Variants in LDLRAD1 observed in about 807,000 individuals in gnomAD.
LDLRAD1 encodes the protein low-density lipoprotein receptor class A domain-containing protein 1.
In LDLRAD1, 17 loss-of-function variants were observed where a neutral mutation model predicts 24.8. The observed-to-expected ratio is 0.69, with a 90% CI of 0.47 to 1.03. LDLRAD1 has a LOEUF of 1.03. Among genes scored for constraint, LDLRAD1 ranks in the 50% least tolerant of loss-of-function variants. The pLI, the probability that LDLRAD1 is intolerant of heterozygous loss-of-function variation, is 0.00. For synonymous variants in LDLRAD1, 103 were observed against 108.2 expected, an observed-to-expected ratio of 0.95 and a Z score of 0.30; for missense variants, 277 against 271.0, an observed-to-expected ratio of 1.02 and a Z score of -0.16.
Position 54,008,717 on chromosome 1 carries a change from T to G in LDLRAD1, c.*265A>C. On this transcript the variant is annotated 3_prime_UTR_variant, in exon 6 of 6. Transcript: ENST00000371360. ...GGTGTGCACCGCCATGCCTGGCTAA[T>G]TTTTGTATTTTTGGTAGAGACGGGG... is the stretch of plus-strand genomic sequence containing the variant. 4 of 371,056 alleles carry G rather than the reference T, an allele frequency of 1.1e-5. No homozygotes were observed. The highest frequency in any genetic ancestry group is 5.6e-5 in the East Asian group (1 of 17,984). The allele number at this position is 371,056 out of a possible 1,614,324, so 23.0% of individuals were successfully genotyped here. A position where few individuals can be genotyped will look rare whatever the true frequency, so the allele number is the denominator to read the frequency against.
chr1:54,017,295 C>T (rs1247506094), intron 2 of LDLRAD1, 81 bp downstream of exon 2: 2 of 1,180,728 alleles, frequency 1.7e-6, no homozygotes, highest in East Asian at 2.6e-5. Context: ...GAGCCTTGAA[C>T]CCTCCTCATG....
rs199544983 is a variant in LDLRAD1 at position 54,012,092 on chromosome 1, A to G, written c.340+51T>C. 8.9e-4 allele frequency: 1,427 copies of G among 1,604,978 alleles called. 3 individuals carry two copies. Among genetic ancestry groups the G allele is most frequent in the Non-Finnish European group, 8.7e-4 (1,024 of 1,176,388 alleles). ...TGTGTTCAGTATGGATGCCAAGAGCATCGGAGTGTGGGGGAACCCCTGGGA... is the reference window on the plus strand; with the variant it reads ...TGTGTTCAGTATGGATGCCAAGAGCGTCGGAGTGTGGGGGAACCCCTGGGA... On this transcript the variant is annotated intron_variant, in intron 4 of 5. Coordinates refer to ENST00000371360, the MANE Select transcript of LDLRAD1 (RefSeq NM_001010978.4).
chr1:54,011,269 G>A (rs147707220), intron 4 of LDLRAD1, among the ~76,000 whole-genome samples: 16 of 152,240 alleles, frequency 1.1e-4, no homozygotes, highest in African/African-American at 3.1e-4. Context: ...TCGGGGCAGG[G>A]TTGACAGAAG....
intron 1 of LDLRAD1, 51 bp downstream of exon 1, chr1:54,018,024 CTGGGGACAGCTCTCACT>C: frequency 1.4e-6 from 2 of 1,407,132 alleles, no homozygotes; most frequent in Non-Finnish European, 2.0e-6. Context: ...CAGCTCTCAC[CTGGGGACAGCTCTCACT>C]TGGGGACAGC....
chr1:54,011,589 C>T (rs1036208146), intron 4 of LDLRAD1, among the ~76,000 whole-genome samples: 8 of 152,160 alleles, frequency 5.3e-5, no homozygotes, highest in Admixed American at 4.6e-4. Flanking sequence ...GCTCCTCTCT[C>T]CTGAGAACCT....
rs1230593142 is a variant in LDLRAD1 at position 54,008,467 on chromosome 1, T to G, written c.*515A>C. On this transcript the variant is annotated 3_prime_UTR_variant, in exon 6 of 6. Transcript: ENST00000371360. ...ATCCACAAGTATGCCTTGGAGCAGT[T>G]AGCAGATTTCCTCTGTGTGGCCCCA... 6.5e-6 allele frequency: 1 copy of G among 153,506 alleles called. No individual in the cohort carries two copies. Among genetic ancestry groups the G allele is most frequent in the African/African-American group, 2.4e-5 (1 of 41,460 alleles). The allele number at this position is 153,506 out of a possible 1,614,324, so 9.5% of individuals were successfully genotyped here.
chr1:54,017,854 G>C (rs1656378015), intron 1 of LDLRAD1, among the ~76,000 whole-genome samples: 1 of 152,072 alleles, frequency 6.6e-6, no homozygotes, highest in African/African-American at 2.4e-5. Context: ...GTGAGCCCCG[G>C]GGCAGGACGG....
chr1:54,017,999 A>C, intron 1 of LDLRAD1, 93 bp downstream of exon 1: 1 of 1,174,234 alleles, frequency 8.5e-7, no homozygotes, highest in Non-Finnish European at 1.3e-6. Flanking sequence ...CTTGGAGACA[A>C]CTCTTACCTG....
At chr1:54,011,290 G>T in intron 4 of LDLRAD1, among the ~76,000 whole-genome samples, 1 of 152,088 alleles carries the variant, frequency 6.6e-6, no homozygotes, top group African/African-American at 2.4e-5. Context: ...GACAGAGTTG[G>T]AACCAATCAG....
At chr1:54,011,299 A>G (rs59071298) in intron 4 of LDLRAD1, among the ~76,000 whole-genome samples, 25,460 of 151,420 alleles carry the variant, frequency 0.17, 5,168 homozygotes, top group African/African-American at 0.5. Flanking sequence ...GGAACCAATC[A>G]GGGAGGAACC....
chr1:54,012,873 C>T (rs757013156), intron 3 of LDLRAD1, among the ~76,000 whole-genome samples: 1 of 152,170 alleles, frequency 6.6e-6, no homozygotes, highest in Non-Finnish European at 1.5e-5. Flanking sequence ...AAGGAATACC[C>T]ACTCCTAGGG....
At chr1:54,010,539 G>T in intron 4 of LDLRAD1, 129 bp from the exon 5 acceptor site, 1 of 864,776 alleles carries the variant, frequency 1.2e-6, no homozygotes, top group Non-Finnish European at 1.8e-6. Flanking sequence ...GCCCAGAAGG[G>T]TGCAAGCAGA....
At chr1:54,012,753 A>G (rs1569891982) in intron 3 of LDLRAD1, among the ~76,000 whole-genome samples, 1 of 152,258 alleles carries the variant, frequency 6.6e-6, no homozygotes, top group Non-Finnish European at 1.5e-5. Context: ...GCCATATGTC[A>G]TAATTCCTTC....
At chr1:54,009,346 C>T (rs1404232309) in intron 5 of LDLRAD1, among the ~76,000 whole-genome samples, 1 of 152,148 alleles carries the variant, frequency 6.6e-6, no homozygotes, top group South Asian at 2.1e-4. Flanking sequence ...GAAACTGTTT[C>T]CTAGTGTGCT....
chr1:54,012,256 G>C lies in LDLRAD1; in HGVS notation c.227C>G (p.Thr76Arg). Residue 76 changes from threonine to arginine, a missense_variant, in exon 4 of 6, where the codon ACA (threonine) becomes AGA (arginine). Transcript: ENST00000371360. ...TPGAQACITL[T>R]NRTGFLCHDQ... Reference sequence around the variant, plus strand: ...ATGGCACAAGAAGCCTGTCCTGTTTGTCAGTGTTATACAAGCTTGGGCTCC... The same window carrying C: ...ATGGCACAAGAAGCCTGTCCTGTTTCTCAGTGTTATACAAGCTTGGGCTCC... 6.2e-7 allele frequency: 1 copy of C among 1,614,148 alleles called. No individual in the cohort carries two copies. Among genetic ancestry groups the C allele is most frequent in the East Asian group, 2.2e-5 (1 of 44,890 alleles).
chr1:54,015,541 G>A (rs1310551815), intron 2 of LDLRAD1, among the ~76,000 whole-genome samples: 2 of 152,174 alleles, frequency 1.3e-5, no homozygotes, highest in Admixed American at 6.5e-5. Flanking sequence ...AGCTACTGAC[G>A]TGCCCAGGCC....
Position 54,010,329 on chromosome 1 carries a change from C to G in LDLRAD1, c.422G>C (p.Cys141Ser), listed in dbSNP as rs147345740. The change falls in exon 5 of 6, where the codon TGT becomes TCT. Residue 141 changes from cysteine to serine, a missense_variant. Transcript: ENST00000371360. ...PASWIYSDQK[C>S]DGTNNCGDCS... Reference sequence around the variant, plus strand: ...GTCCCCGCAGTTGTTAGTGCCATCACATTTTTGGTCTGAGTAGATCCAGGA... The same window carrying G: ...GTCCCCGCAGTTGTTAGTGCCATCAGATTTTTGGTCTGAGTAGATCCAGGA... The G allele has an allele frequency of 2.5e-6, 4 of 1,614,060 alleles. No individual in the cohort carries two copies. The highest frequency in any genetic ancestry group is 3.4e-6 in the Non-Finnish European group (4 of 1,180,006).
Position 54,010,391 on chromosome 1 carries a change from G to A in LDLRAD1, c.360C>T (p.Leu120=), listed in dbSNP as rs1317850645. 1.2e-6 allele frequency: 2 copies of A among 1,613,998 alleles called. No individual in the cohort carries two copies. Among genetic ancestry groups the A allele is most frequent in the Non-Finnish European group, 1.7e-6 (2 of 1,179,990 alleles). ...ESLCRDVPQS[L]PHFLVAHCGD... ...CACAGTGGGCCACAAGGAAGTGGGG[G>A]AGGCTCTGGGGCACATCTCCTGTAG... The change falls in exon 5 of 6, where the codon CTC becomes CTT. Residue 120 remains leucine (L), a synonymous_variant. Coordinates refer to ENST00000371360, the MANE Select transcript of LDLRAD1 (RefSeq NM_001010978.4).
At chr1:54,010,528 A>G in intron 4 of LDLRAD1, 118 bp from the exon 5 acceptor site, 1 of 985,624 alleles carries the variant, frequency 1.0e-6, no homozygotes, top group Non-Finnish European at 1.5e-6. Context: ...GTGCCCATCC[A>G]GCCCAGAAGG....
Sources: allele counts gnomAD v4.1 joint callset (sites outside exome capture counted in the v4.1 genomes callset), GRCh38; gene constraint gnomAD v4.1.1; transcripts MANE v1.5; gene names NCBI Gene and HGNC (gene_info 2026-07-23, HGNC 2026-07-21).